UBE3D: variants seen among roughly 807,000 people sequenced by gnomAD.
UBE3D encodes ubiquitin protein ligase E3D.
In UBE3D, 48 loss-of-function variants were observed where a neutral mutation model predicts 49.6. The ratio of observed to expected loss-of-function variants is 0.97; its 90% CI spans 0.77 to 1.23. UBE3D has a LOEUF of 1.23. Ranked by LOEUF, UBE3D falls within the 50% of genes most tolerant of loss-of-function variation. The pLI, the probability that UBE3D is intolerant of heterozygous loss-of-function variation, is 0.00. For missense variants in UBE3D, 452 were observed against 468.4 expected, an observed-to-expected ratio of 0.96 and a Z score of 0.32; for synonymous variants, 189 against 174.2, an observed-to-expected ratio of 1.08 and a Z score of -0.67.
At chr6:82,903,680 A>G (rs1459430381) in intron 9 of UBE3D, among the ~76,000 whole-genome samples, 1 of 152,216 alleles carries the variant, frequency 6.6e-6, no homozygotes, top group African/African-American at 2.4e-5. Context: ...AATTTTAAAA[A>G]GAAAAACATG....
At chr6:82,885,553 C>A in the UBE3D span, among the ~76,000 whole-genome samples, 2 of 152,162 alleles carry the variant, frequency 1.3e-5, no homozygotes, top group Admixed American at 1.3e-4. Context: ...GCTTAAATAA[C>A]TTGCTCAAGA....
chr6:83,002,385 C>T (rs1049369692), intron 8 of UBE3D, among the ~76,000 whole-genome samples: 5 of 152,014 alleles, frequency 3.3e-5, no homozygotes, highest in Admixed American at 2.0e-4. Context: ...AGATTAGCAC[C>T]TTTTAAAAGG....
intron 8 of UBE3D, among the ~76,000 whole-genome samples, chr6:82,965,451 C>G (rs952937151): frequency 8.6e-5 from 13 of 151,864 alleles, no homozygotes; most frequent in African/African-American, 2.9e-4. Context: ...GGTGTGGTGG[C>G]GCATGCCTGT....
rs945839206 is a variant in UBE3D, at chr6:82,929,375, CAATT to C, written c.1149+27933_1149+27936del. On this transcript the variant is annotated intron_variant, in intron 9 of 9. Transcript: ENST00000369747. ...TGTAATTTTTGCTAAGCTTTTTTGACAATTAAGGGACAAATTAAGGGCTTTCTCT... is the reference window on the plus strand; with the variant it reads ...TGTAATTTTTGCTAAGCTTTTTTGACAAGGGACAAATTAAGGGCTTTCTCT... Among the ~76,000 whole-genome samples, 138 of 152,040 alleles carry C rather than the reference CAATT, an allele frequency of 9.1e-4. 2 individuals are homozygous for C. Among genetic ancestry groups the C allele is most frequent in the Admixed American group, 3.9e-4 (6 of 15,252 alleles).
intron 9 of UBE3D, among the ~76,000 whole-genome samples, chr6:82,910,610 C>G (rs1038691027): frequency 6.6e-6 from 1 of 152,172 alleles, no homozygotes; most frequent in African/African-American, 2.4e-5. Flanking sequence ...CACTGCTCTC[C>G]TGGTTCTGCA....
At chr6:82,883,438 C>T in the UBE3D span, among the ~76,000 whole-genome samples, 7 of 152,132 alleles carry the variant, frequency 4.6e-5, no homozygotes, top group African/African-American at 1.4e-4. Flanking sequence ...AATTCCTTCT[C>T]TGCATTAGGC....
intron 9 of UBE3D, among the ~76,000 whole-genome samples, chr6:82,935,213 G>C (rs1219393198): frequency 6.6e-6 from 1 of 151,482 alleles, no homozygotes; most frequent in East Asian, 2.0e-4. Context: ...ATCACATGGA[G>C]AAAGCAGAGC....
intron 8 of UBE3D, among the ~76,000 whole-genome samples, chr6:82,979,009 T>C (rs149664276): frequency 1.3e-5 from 2 of 152,282 alleles, no homozygotes; most frequent in East Asian, 1.9e-4. Flanking sequence ...TAGTGGGTAA[T>C]GTTAACATTT....
At chr6:82,954,067 C>A (rs2127770205) in intron 9 of UBE3D, among the ~76,000 whole-genome samples, 1 of 152,264 alleles carries the variant, frequency 6.6e-6, no homozygotes, top group Non-Finnish European at 1.5e-5. Flanking sequence ...GTGAGAGAGC[C>A]AGAGATGAGG....
intron 9 of UBE3D, among the ~76,000 whole-genome samples, chr6:82,899,775 T>C (rs530078305): frequency 1.3e-5 from 2 of 152,320 alleles, no homozygotes; most frequent in African/African-American, 2.4e-5. Flanking sequence ...ATTGTTGGCA[T>C]TGGATGGTGC....
chr6:82,945,643 T>A (rs1582428197), intron 9 of UBE3D, among the ~76,000 whole-genome samples: 2 of 152,246 alleles, frequency 1.3e-5, no homozygotes, highest in Middle Eastern at 3.4e-3. Flanking sequence ...CAGAAAAACA[T>A]GACCTCACCA....
intron 5 of UBE3D, chr6:83,032,239 T>C (rs1430459145): frequency 4.4e-6 from 2 of 455,932 alleles, no homozygotes; most frequent in African/African-American, 2.0e-5. Context: ...GGTGGGGCCG[T>C]ACCCGGCAAA....
chr6:82,931,632 A>G (rs894787720), intron 9 of UBE3D, among the ~76,000 whole-genome samples: 1 of 152,220 alleles, frequency 6.6e-6, no homozygotes, highest in Non-Finnish European at 1.5e-5. Context: ...ATTGGATTTC[A>G]GACTTGCATG....
At chr6:82,892,280 G>A (rs1428162314), downstream of UBE3D, 2 of 152,264 alleles carry the variant, frequency 1.3e-5, no homozygotes, top group East Asian at 1.9e-4. Flanking sequence ...AACGTTCCTT[G>A]TGAAATTAGG....
chr6:83,000,345 T>G (rs1167191122), intron 8 of UBE3D, among the ~76,000 whole-genome samples: 1 of 152,204 alleles, frequency 6.6e-6, no homozygotes, highest in African/African-American at 2.4e-5. Flanking sequence ...CTCCCAAAAC[T>G]TTATCTTCTT....
At chr6:82,885,989 C>T in the UBE3D span, among the ~76,000 whole-genome samples, 1 of 152,180 alleles carries the variant, frequency 6.6e-6, no homozygotes, top group Admixed American at 6.5e-5. Flanking sequence ...TCCACAACTG[C>T]TGGGGTCCAC....
chr6:82,945,903 A>G (rs1775367805), intron 9 of UBE3D, among the ~76,000 whole-genome samples: 1 of 152,210 alleles, frequency 6.6e-6, no homozygotes. Flanking sequence ...GTCTCTTAAT[A>G]GGAGAATTGA....
intron 9 of UBE3D, among the ~76,000 whole-genome samples, chr6:82,939,545 T>C (rs1774849207): frequency 6.6e-6 from 1 of 152,226 alleles, no homozygotes; most frequent in Non-Finnish European, 1.5e-5. Flanking sequence ...TATGTTTAGA[T>C]ATATTTTGAT....
At chr6:82,910,879 T>G (rs543479861) in intron 9 of UBE3D, among the ~76,000 whole-genome samples, 1 of 152,278 alleles carries the variant, frequency 6.6e-6, no homozygotes, top group East Asian at 1.9e-4. Context: ...GTTGGGATCT[T>G]AACAATCACT....
Sources: gnomAD v4.1 joint callset for allele counts (sites outside exome capture counted in the v4.1 genomes callset) on GRCh38, gnomAD v4.1.1 for gene constraint, MANE v1.5 for transcripts, NCBI Gene and HGNC (gene_info 2026-07-23, HGNC 2026-07-21) for gene names.